MSRA: variants seen among roughly 807,000 people sequenced by gnomAD.
MSRA encodes methionine sulfoxide reductase A, also known as mitochondrial peptide methionine sulfoxide reductase.
In MSRA, 54 loss-of-function variants were observed where a neutral mutation model predicts 31.3. The observed-to-expected ratio is 1.73, with a 90% CI of 1.39 to 2.17. The LOEUF (loss-of-function observed/expected upper bound fraction) is 2.17, where lower values mean the gene tolerates loss of function less well. MSRA is among the 30% of genes most tolerant of loss of function. The pLI is 0.00. For missense variants in MSRA, 507 were observed against 300.9 expected (o/e 1.69, Z -5.07); for synonymous variants, 169 against 116.5 (o/e 1.45, Z -2.90).
At chr8:10,073,157 A>T (rs962862439) in intron 1 of MSRA, among the ~76,000 whole-genome samples, 1 of 152,160 alleles carries the variant, frequency 6.6e-6, no homozygotes, top group African/African-American at 2.4e-5. Flanking sequence ...CTTAAAAAAA[A>T]AGTATTGAGA....
At chr8:10,289,119 C>T (rs763073357) in intron 3 of MSRA, among the ~76,000 whole-genome samples, 1 of 151,916 alleles carries the variant, frequency 6.6e-6, no homozygotes, top group Admixed American at 6.6e-5. Context: ...AGGTTCAAGC[C>T]ATTCTCCTGC....
chr8:10,424,620 T>G (rs1585752539), intron 5 of MSRA, among the ~76,000 whole-genome samples: 1 of 134,114 alleles, frequency 7.5e-6, no homozygotes, highest in Non-Finnish European at 1.6e-5. Flanking sequence ...CAGGGTGGAG[T>G]GGGATCAGGG....
intron 4 of MSRA, among the ~76,000 whole-genome samples, chr8:10,305,409 CTTTTTTT>C (rs549346544): frequency 9.8e-5 from 12 of 122,932 alleles, no homozygotes; most frequent in Admixed American, 1.8e-4. Context: ...TGTTTTCTTC[CTTTTTTT>C]TTTTTTTTTT....
intron 1 of MSRA, among the ~76,000 whole-genome samples, chr8:10,145,933 G>C (rs1369789906): frequency 6.6e-6 from 1 of 152,210 alleles, no homozygotes; most frequent in Non-Finnish European, 1.5e-5. Context: ...GATTTGGTGT[G>C]GGTGGAGAGG....
intron 1 of MSRA, among the ~76,000 whole-genome samples, chr8:10,131,297 G>A (rs1182230287): frequency 2.6e-5 from 4 of 152,132 alleles, no homozygotes; most frequent in Non-Finnish European, 5.9e-5. Flanking sequence ...TGGAAATTTC[G>A]CCACAGAAGA....
chr8:10,411,675 T>C (rs1214045735), intron 5 of MSRA: 1 of 152,246 alleles, frequency 6.6e-6, no homozygotes, highest in African/African-American at 2.4e-5. Flanking sequence ...AATTTCTTAA[T>C]ATTGAAATGA....
At chr8:10,287,506 G>T (rs1799998502) in intron 3 of MSRA, among the ~76,000 whole-genome samples, 1 of 152,192 alleles carries the variant, frequency 6.6e-6, no homozygotes, top group Non-Finnish European at 1.5e-5. Context: ...AAAGTCCAGT[G>T]CAGAGTTCGG....
intron 5 of MSRA, among the ~76,000 whole-genome samples, chr8:10,393,708 C>G (rs1335945995): frequency 6.6e-6 from 1 of 152,188 alleles, no homozygotes; most frequent in Non-Finnish European, 1.5e-5. Context: ...ATGACCTGCA[C>G]ACGGGCAGCT....
At chr8:10,283,170 T>TCTCTCTCTCTCTC (rs1554515466) in intron 3 of MSRA, among the ~76,000 whole-genome samples, 1 of 93,762 alleles carries the variant, frequency 1.1e-5, no homozygotes, top group African/African-American at 3.6e-5. Context: ...ACTCTCACCC[T>TCTCTCTCTCTCTC]TCTCTTTGCT....
chr8:10,110,011 C>A (rs1469860030), intron 1 of MSRA, among the ~76,000 whole-genome samples: 2 of 152,096 alleles, frequency 1.3e-5, no homozygotes, highest in Non-Finnish European at 2.9e-5. Flanking sequence ...ACCTCTTGTT[C>A]CCCACATCCC....
chr8:10,148,110 C>T lies in MSRA; in HGVS notation c.143-59723C>T, dbSNP rs368651077. ...ACTCGGAGGCAGTGGGCAGAAAGGG[C>T]TCCTCTCGGCTCTGCAGCCGGAAAG... On this transcript the variant is annotated intron_variant, in intron 1 of 5. Transcript: ENST00000317173. Among the ~76,000 whole-genome samples the T allele has an allele frequency of 3.7e-4, 57 of 152,214 alleles. No individual in the cohort carries two copies. In the East Asian group the frequency reaches 4.7e-3, roughly 12 times the overall value.
chr8:10,254,815 T>C (rs1045066995), intron 3 of MSRA, among the ~76,000 whole-genome samples: 1 of 152,260 alleles, frequency 6.6e-6, no homozygotes, highest in African/African-American at 2.4e-5. Context: ...TTTAAAAATA[T>C]TAAGCTATGC....
intron 1 of MSRA, among the ~76,000 whole-genome samples, chr8:10,206,178 G>C (rs1361809564): frequency 6.6e-6 from 1 of 152,142 alleles, no homozygotes; most frequent in Non-Finnish European, 1.5e-5. Flanking sequence ...AAGAACGAAA[G>C]GGCAGATCTT....
chr8:10,131,527 G>A (rs950977194), intron 1 of MSRA, among the ~76,000 whole-genome samples: 1 of 152,236 alleles, frequency 6.6e-6, no homozygotes, highest in African/African-American at 2.4e-5. Context: ...AGGTTCGTAG[G>A]TGTACACTCC....
chr8:10,368,313 A>T (rs1243165444), intron 5 of MSRA, among the ~76,000 whole-genome samples: 1 of 152,214 alleles, frequency 6.6e-6, no homozygotes, highest in East Asian at 1.9e-4. Context: ...TGATCAGGAG[A>T]ATCCAAATTT....
chr8:10,132,255 C>T (rs1326823390), intron 1 of MSRA, among the ~76,000 whole-genome samples: 1 of 152,192 alleles, frequency 6.6e-6, no homozygotes, highest in Non-Finnish European at 1.5e-5. Flanking sequence ...TTTCAGATGA[C>T]TTATTTGACA....
chr8:10,261,790 A>G (rs1378241744), intron 3 of MSRA, among the ~76,000 whole-genome samples: 2 of 152,298 alleles, frequency 1.3e-5, no homozygotes, highest in African/African-American at 2.4e-5. Context: ...CAATTGTATA[A>G]TACGTGTATC....
intron 5 of MSRA, chr8:10,411,451 C>G (rs996022859): frequency 6.6e-6 from 1 of 152,060 alleles, no homozygotes; most frequent in African/African-American, 2.4e-5. Context: ...TCATATAGCC[C>G]TTATTTTATT....
At chr8:10,305,409 CTT>C (rs549346544) in intron 4 of MSRA, among the ~76,000 whole-genome samples, 29,454 of 122,022 alleles carry the variant, frequency 0.24, 3,903 homozygotes, top group East Asian at 0.32. Flanking sequence ...TGTTTTCTTC[CTT>C]TTTTTTTTTT....
Sources: gnomAD v4.1 joint callset for allele counts (sites outside exome capture counted in the v4.1 genomes callset) on GRCh38, gnomAD v4.1.1 for gene constraint, MANE v1.5 for transcripts, NCBI Gene and HGNC (gene_info 2026-07-23, HGNC 2026-07-21) for gene names.